Variants in ZNF395 observed in about 807,000 individuals in gnomAD.
ZNF395 encodes the protein HD gene regulatory region-binding protein 2.
In ZNF395, 20 loss-of-function variants were observed where a neutral mutation model predicts 57.7. That is an observed-to-expected ratio of 0.35 (90% CI 0.24 to 0.50). The LOEUF (loss-of-function observed/expected upper bound fraction) is 0.50. Ranked by LOEUF, ZNF395 falls within the 20% of genes least tolerant of loss-of-function variation. The pLI, the probability that ZNF395 is intolerant of heterozygous loss-of-function variation, is 0.97. For synonymous variants in ZNF395, 295 were observed against 275.9 expected (o/e 1.07, Z -0.69); for missense variants, 606 against 671.2 (o/e 0.90, Z 1.07).
At chr8:28,371,751 T>C (rs1801978911) in intron 1 of ZNF395, among the ~76,000 whole-genome samples, 2 of 152,196 alleles carry the variant, frequency 1.3e-5, no homozygotes, top group African/African-American at 4.8e-5. Context: ...CAGGGCTGCC[T>C]TAAGCTCAGA....
chr8:28,369,289 T>C (rs1406618108), intron 1 of ZNF395, among the ~76,000 whole-genome samples: 1 of 152,154 alleles, frequency 6.6e-6, no homozygotes, highest in Non-Finnish European at 1.5e-5. Flanking sequence ...AAAACTGGTT[T>C]GGAACTCAAA....
intron 1 of ZNF395, chr8:28,384,945 C>G (rs1351590460): frequency 6.6e-6 from 1 of 152,284 alleles, no homozygotes; most frequent in Non-Finnish European, 1.5e-5. Flanking sequence ...ACAGCAGCTC[C>G]CTGACAGGAC....
chr8:28,379,613 C>T (rs1217635286), intron 1 of ZNF395, among the ~76,000 whole-genome samples: 1 of 152,136 alleles, frequency 6.6e-6, no homozygotes, highest in Non-Finnish European at 1.5e-5. Context: ...CCATGCCCTG[C>T]CCCTCCTCAG....
At position 28,349,259 on chromosome 8, in the gene ZNF395, G is replaced by A. The variant is rs762129678; in HGVS notation, c.1327-31C>T. The stretch of plus-strand genomic sequence containing the variant: ...CGTGGGGAGAGGGGCTGTGAGCACA[G>A]GGACATTCAGGAAAGGTGAGGGAGC... On this transcript the variant is annotated intron_variant, in intron 8 of 9. Transcript: ENST00000344423. The A allele has an allele frequency of 4.7e-6, 7 of 1,491,688 alleles. No individual in the cohort carries two copies. The South Asian group carries it at 5.4e-5, about 12-fold the overall frequency. 92.4% of individuals were successfully genotyped at this position (1,491,688 alleles called of 1,614,324 possible).
intron 4 of ZNF395, among the ~76,000 whole-genome samples, chr8:28,354,076 A>G (rs1476588643): frequency 6.6e-6 from 1 of 152,188 alleles, no homozygotes; most frequent in Admixed American, 6.5e-5. Flanking sequence ...GCTTTAATCA[A>G]GAAGTAACAT....
intron 1 of ZNF395, among the ~76,000 whole-genome samples, chr8:28,379,737 C>G (rs1430513985): frequency 1.3e-5 from 2 of 151,720 alleles, no homozygotes; most frequent in Non-Finnish European, 2.9e-5. Flanking sequence ...AATGAATCAT[C>G]TACTTTACCC....
rs1801614861 is a variant in ZNF395 at position 28,347,225 on chromosome 8, A to G, written c.*1494T>C. The G allele has an allele frequency of 6.6e-6, 1 of 151,970 alleles. No individual in the cohort carries two copies. Among genetic ancestry groups the G allele is most frequent in the Non-Finnish European group, 1.5e-5 (1 of 68,006 alleles). The allele number at this position is 151,970 out of a possible 1,614,324, so 9.4% of individuals were successfully genotyped here. A position where few individuals can be genotyped will look rare whatever the true frequency, so the allele number is the denominator to read the frequency against. On this transcript the variant is annotated 3_prime_UTR_variant, in exon 10 of 10. Coordinates refer to ENST00000344423, the MANE Select transcript of ZNF395 (RefSeq NM_018660.3). ...TGACAACCAAGGGGTGGATGCTGACACTCCATCCCAGGACAGGTGGCTGGG... is the reference window on the plus strand; with the variant it reads ...TGACAACCAAGGGGTGGATGCTGACGCTCCATCCCAGGACAGGTGGCTGGG...
At chr8:28,383,216 A>G (rs1802131275) in intron 1 of ZNF395, among the ~76,000 whole-genome samples, 2 of 152,142 alleles carry the variant, frequency 1.3e-5, no homozygotes, top group African/African-American at 4.8e-5. Context: ...TCATTCCACA[A>G]CTTTTTGCAA....
chr8:28,352,699 T>C lies in ZNF395; in HGVS notation c.820-26A>G. ...CTACAGGAAAGGAAGACAGGGTGAG[T>C]GGATATGTCTTTCTCCTTATCCCTC... On this transcript the variant is annotated intron_variant, in intron 5 of 9. Coordinates refer to ENST00000344423, the MANE Select transcript of ZNF395 (RefSeq NM_018660.3). The surrounding 1 kb of genome is among the most constrained non-coding windows in gnomAD (Gnocchi z 4.0). 6.3e-7 allele frequency: 1 copy of C among 1,588,896 alleles called. No homozygotes were observed. The highest frequency in any genetic ancestry group is 8.6e-7 in the Non-Finnish European group (1 of 1,157,424).
At chr8:28,379,091 G>A (rs936846703) in intron 1 of ZNF395, among the ~76,000 whole-genome samples, 1 of 152,136 alleles carries the variant, frequency 6.6e-6, no homozygotes, top group South Asian at 2.1e-4. Context: ...TCGAACACCA[G>A]GAGTAAAAAT....
At chr8:28,360,423 C>A (rs1229914266) in intron 2 of ZNF395, among the ~76,000 whole-genome samples, 1 of 152,194 alleles carries the variant, frequency 6.6e-6, no homozygotes, top group Non-Finnish European at 1.5e-5. Flanking sequence ...AGGGCCCTGG[C>A]ACAGGGGCAG....
In ZNF395 at chr8:28,352,197, G is replaced by A. The variant is rs1211031829; in HGVS notation, c.920+376C>T. Among the ~76,000 whole-genome samples the A allele has an allele frequency of 2.6e-5, 4 of 152,182 alleles. No individual in the cohort carries two copies. The highest frequency in any genetic ancestry group is 4.4e-5 in the Non-Finnish European group (3 of 68,024). On this transcript the variant is annotated intron_variant, in intron 6 of 9. Transcript: ENST00000344423. The surrounding 1 kb of genome is among the most constrained non-coding windows in gnomAD (Gnocchi z 4.0). ...CTCGCTCTGCACAGAACACGGCGGA[G>A]GCACCAGGGTGGGGCTAGCGGAGAC...
chr8:28,378,378 A>G (rs1802069254), intron 1 of ZNF395, among the ~76,000 whole-genome samples: 1 of 152,138 alleles, frequency 6.6e-6, no homozygotes, highest in African/African-American at 2.4e-5. Context: ...AGCTGGGACC[A>G]TGGGCAGGTG....
At chr8:28,366,356 A>T (rs1801910558) in intron 1 of ZNF395, among the ~76,000 whole-genome samples, 1 of 152,192 alleles carries the variant, frequency 6.6e-6, no homozygotes, top group East Asian at 1.9e-4. Flanking sequence ...CTTTTATCAG[A>T]AAAGTGCCAA....
rs1486126161 is a variant in ZNF395 at position 28,386,392 on chromosome 8, C to T, written c.-59+1G>A. 1 of 149,438 alleles carries T rather than the reference C, an allele frequency of 6.7e-6. No homozygotes were observed. Among genetic ancestry groups the T allele is most frequent in the African/African-American group, 2.5e-5 (1 of 40,632 alleles). The allele number at this position is 149,438 out of a possible 1,614,324, so 9.3% of individuals were successfully genotyped here. A position where few individuals can be genotyped will look rare whatever the true frequency, so the allele number is the denominator to read the frequency against. On this transcript the variant is annotated splice_donor_variant, in intron 1 of 9. Coordinates refer to ENST00000344423, the MANE Select transcript of ZNF395 (RefSeq NM_018660.3). LOFTEE classifies it low-confidence loss of function (5UTR_SPLICE). ...GCCCCCAGCGCGCCTGGGCTACACA[C>T]CCCCGGCCGCCCGTAGACAGTCGGC...
intron 1 of ZNF395, among the ~76,000 whole-genome samples, chr8:28,372,493 A>G (rs1379842729): frequency 6.6e-6 from 1 of 152,254 alleles, no homozygotes; most frequent in East Asian, 1.9e-4. Context: ...ATGGTAAGAA[A>G]AAAATGAAAA....
chr8:28,350,057 C>T lies in ZNF395; in HGVS notation c.1326+7G>A. 1.9e-6 allele frequency: 3 copies of T among 1,590,732 alleles called. No individual in the cohort carries two copies. In the South Asian group the frequency reaches 3.4e-5, roughly 18 times the overall value. Reference sequence around the variant, plus strand: ...CGAGGCCCCAGCCGTGCTGCCCGCACACTCACCGGAGAGAGAGAGCAGGCG... The same window carrying T: ...CGAGGCCCCAGCCGTGCTGCCCGCATACTCACCGGAGAGAGAGAGCAGGCG... On this transcript the variant is annotated splice_region_variant and intron_variant, in intron 8 of 9. Transcript: ENST00000344423.
Position 28,356,698 on chromosome 8 carries a change from A to T in ZNF395, c.555T>A (p.Ser185Arg). 6.2e-7 allele frequency: 1 copy of T among 1,614,002 alleles called. No individual in the cohort carries two copies. The highest frequency in any genetic ancestry group is 1.1e-5 in the South Asian group (1 of 91,074). Reference sequence around the variant, plus strand: ...AGAAGTTGGCCTCGGTCCCGGGAGGACTCTGTACAACAGGGCTGCAGGACA... The same window carrying T: ...AGAAGTTGGCCTCGGTCCCGGGAGGTCTCTGTACAACAGGGCTGCAGGACA... ...TSLSCSPVVQ[S>R]PPGTEANFSA... The change falls in exon 4 of 10, where the codon AGT becomes AGA. Residue 185 changes from serine to arginine, a missense_variant. Transcript: ENST00000344423. This position sits in a 1 kb window ranked among gnomAD's most constrained non-coding sequence, Gnocchi z 4.0.
intron 1 of ZNF395, among the ~76,000 whole-genome samples, chr8:28,380,113 C>A (rs1291321350): frequency 1.3e-5 from 2 of 152,032 alleles, no homozygotes; most frequent in Non-Finnish European, 2.9e-5. Flanking sequence ...CTCTAGCCCA[C>A]ACCATTGGAT....
Sources: allele counts gnomAD v4.1 joint callset (sites outside exome capture counted in the v4.1 genomes callset), GRCh38; gene constraint gnomAD v4.1.1; non-coding constraint Gnocchi (gnomAD v3.1); transcripts MANE v1.5; gene names NCBI Gene and HGNC (gene_info 2026-07-23, HGNC 2026-07-21).